The following CSMD3 variants were observed in gnomAD, a reference collection of about 807,000 sequenced individuals.
The protein encoded by CSMD3 is CUB and Sushi multiple domains 3.
CSMD3 carries 177 observed loss-of-function variants against 435.2 expected under a neutral mutation model. The observed-to-expected ratio is 0.41, with a 90% CI of 0.36 to 0.46. The LOEUF (loss-of-function observed/expected upper bound fraction) is 0.46. Ranked by LOEUF, CSMD3 falls within the 20% of genes least tolerant of loss-of-function variation. The probability of loss-of-function intolerance (pLI) is 0.34; values close to 1 mark genes in which losing one functional copy is unlikely to be tolerated. For missense variants in CSMD3, 4,265 were observed against 4,504.6 expected (o/e 0.95, Z 1.52); for synonymous variants, 1,656 against 1,520.5 (o/e 1.09, Z -2.07).
chr8:113,050,851 T>A (rs950561289), intron 5 of CSMD3, among the ~76,000 whole-genome samples: 2 of 152,162 alleles, frequency 1.3e-5, no homozygotes, highest in East Asian at 3.9e-4. Context: ...ACTTTATATA[T>A]AGATCCATGA....
chr8:112,448,681 A>G (rs930891954), intron 32 of CSMD3, among the ~76,000 whole-genome samples: 1 of 151,738 alleles, frequency 6.6e-6, no homozygotes, highest in Non-Finnish European at 1.5e-5. Flanking sequence ...TAAGTTGCCC[A>G]ATTTGTGGTA....
At chr8:112,855,600 G>C (rs1269427326) in intron 11 of CSMD3, among the ~76,000 whole-genome samples, 1 of 151,972 alleles carries the variant, frequency 6.6e-6, no homozygotes, top group African/African-American at 2.4e-5. Context: ...AAAATAGATG[G>C]ATGGATGAAT....
intron 3 of CSMD3, among the ~76,000 whole-genome samples, chr8:113,266,962 AAAG>A (rs772509702): frequency 6.6e-6 from 1 of 151,740 alleles, no homozygotes; most frequent in Non-Finnish European, 1.5e-5. Context: ...ACATTTCTCA[AAAG>A]AAGACATACA....
chr8:113,032,427 T>G (rs2087152866), intron 5 of CSMD3, among the ~76,000 whole-genome samples: 2 of 151,584 alleles, frequency 1.3e-5, no homozygotes, highest in South Asian at 4.2e-4. Context: ...TAGCAAAGAC[T>G]CTGGTGGTAT....
At chr8:112,409,112 G>A in intron 32 of CSMD3, 80 bp from the exon 33 acceptor site, 2 of 1,599,766 alleles carry the variant, frequency 1.3e-6, no homozygotes, top group Non-Finnish European at 1.7e-6. Context: ...AATAGAAAGA[G>A]GAGGAGAGAG....
chr8:112,882,708 T>A lies in CSMD3; in HGVS notation c.1634-23442A>T, dbSNP rs116745633. 2.3e-3 allele frequency among the ~76,000 whole-genome samples: 353 copies of A among 152,156 alleles called. 1 individual carries two copies. Among genetic ancestry groups the A allele is most frequent in the African/African-American group, 8.1e-3 (337 of 41,556 alleles). ...TGTCTCAGACACTCTTCGGTTTACATTGAACAAATACATTTGTCCTAAATT... is the reference window on the plus strand; with the variant it reads ...TGTCTCAGACACTCTTCGGTTTACAATGAACAAATACATTTGTCCTAAATT... On this transcript the variant is annotated intron_variant, in intron 10 of 70. Coordinates refer to ENST00000297405, the MANE Select transcript of CSMD3 (RefSeq NM_198123.2).
At chr8:112,668,290 C>T (rs979030042) in intron 16 of CSMD3, among the ~76,000 whole-genome samples, 1 of 151,844 alleles carries the variant, frequency 6.6e-6, no homozygotes, top group African/African-American at 2.4e-5. Context: ...CTTAAATTAC[C>T]ATATTTTACA....
chr8:113,375,536 C>CACACAT (rs11268984), intron 1 of CSMD3, among the ~76,000 whole-genome samples: 14,299 of 150,330 alleles, frequency 0.095, 722 homozygotes, highest in Middle Eastern at 0.14. Flanking sequence ...CACACACACA[C>CACACAT]ACACACACAC....
chr8:112,903,678 C>G (rs539127378), intron 10 of CSMD3, among the ~76,000 whole-genome samples: 7 of 151,290 alleles, frequency 4.6e-5, no homozygotes, highest in African/African-American at 1.7e-4. Context: ...ATTGATAGGT[C>G]TCTCATCACC....
intron 24 of CSMD3, among the ~76,000 whole-genome samples, chr8:112,558,422 T>C (rs1828321276): frequency 6.6e-6 from 1 of 151,922 alleles, no homozygotes; most frequent in African/African-American, 2.4e-5. Flanking sequence ...ACTGATAGAT[T>C]ATACCTTTTA....
rs377246718 is a variant in CSMD3, at chr8:112,370,082, A to AAGTAGT, written c.6136+10264_6136+10269dup. ...GAAGAAGAAGAAGAAGAAGAAGAAG[A>AAGTAGT]AGTAGTAGTAGTAGTAGTAGTCAGG... On this transcript the variant is annotated intron_variant, in intron 38 of 70. Coordinates refer to ENST00000297405, the MANE Select transcript of CSMD3 (RefSeq NM_198123.2). 7.5e-4 allele frequency among the ~76,000 whole-genome samples: 78 copies of AAGTAGT among 103,476 alleles called. 1 individual carries two copies. Among genetic ancestry groups the AAGTAGT allele is most frequent in the East Asian group, 1.8e-3 (6 of 3,416 alleles). 67.9% of individuals were successfully genotyped at this position (103,476 alleles called of 152,430 possible). A position where few individuals can be genotyped will look rare whatever the true frequency, so the allele number is the denominator to read the frequency against.
At chr8:112,430,902 G>C (rs1330168151) in intron 32 of CSMD3, among the ~76,000 whole-genome samples, 1 of 151,206 alleles carries the variant, frequency 6.6e-6, no homozygotes, top group African/African-American at 2.4e-5. Context: ...GTATATGTGT[G>C]TGTGTGTGTG....
intron 59 of CSMD3, among the ~76,000 whole-genome samples, chr8:112,273,598 C>T (rs373171007): frequency 1.4e-4 from 22 of 151,790 alleles, no homozygotes; most frequent in East Asian, 5.8e-4. Flanking sequence ...TGGTGGCAGG[C>T]GCCTGTAGTC....
intron 32 of CSMD3, among the ~76,000 whole-genome samples, chr8:112,410,616 G>GTATATATATATGTGTATATATA (rs200328572): frequency 1.5e-5 from 1 of 67,590 alleles, no homozygotes; most frequent in African/African-American, 5.1e-5. Flanking sequence ...ATATATATAT[G>GTATATATATATGTGTATATATA]TATATATATG....
intron 5 of CSMD3, among the ~76,000 whole-genome samples, chr8:113,033,965 T>C (rs1388571192): frequency 2.0e-5 from 3 of 151,472 alleles, no homozygotes; most frequent in Non-Finnish European, 3.0e-5. Flanking sequence ...TTCCCCTGTA[T>C]ACTCTCTCTA....
chr8:112,451,353 A>G (rs1459860950), intron 32 of CSMD3, among the ~76,000 whole-genome samples: 2 of 152,126 alleles, frequency 1.3e-5, no homozygotes, highest in Non-Finnish European at 2.9e-5. Context: ...TTATGGAAGT[A>G]TCATGGAAAC....
Position 112,241,860 on chromosome 8 carries a change from A to ACACC in CSMD3, c.10403-76_10403-75insGGTG. ...TACACATGCGCACACACACACACGC[A>ACACC]CACACACACACAGTGTGATGCACTG... is the stretch of plus-strand genomic sequence containing the variant. On this transcript the variant is annotated intron_variant, in intron 65 of 70. Coordinates refer to ENST00000297405, the MANE Select transcript of CSMD3 (RefSeq NM_198123.2). 3.5e-6 allele frequency: 3 copies of ACACC among 868,866 alleles called. No individual in the cohort carries two copies. In the South Asian group the frequency reaches 4.0e-5, roughly 11 times the overall value. The allele number at this position is 868,866 out of a possible 1,614,324, so 53.8% of individuals were successfully genotyped here.
At chr8:113,298,678 G>A (rs899301) in intron 2 of CSMD3, among the ~76,000 whole-genome samples, 45,938 of 151,990 alleles carry the variant, frequency 0.3, 8,063 homozygotes, top group East Asian at 0.7. Context: ...TTTTTGGAAG[G>A]TGGGAAGCTG....
At chr8:112,817,372 C>T (rs2079403451) in intron 12 of CSMD3, among the ~76,000 whole-genome samples, 1 of 151,956 alleles carries the variant, frequency 6.6e-6, no homozygotes, top group Non-Finnish European at 1.5e-5. Flanking sequence ...TAGTTCTCTC[C>T]AATAAATTAT....
Sources: allele counts gnomAD v4.1 joint callset (sites outside exome capture counted in the v4.1 genomes callset), GRCh38; gene constraint gnomAD v4.1.1; transcripts MANE v1.5; gene names NCBI Gene and HGNC (gene_info 2026-07-23, HGNC 2026-07-21).